Variants in MACROD2 observed in about 807,000 individuals in gnomAD.
MACROD2 encodes mono-ADP ribosylhydrolase 2, also known as ADP-ribose glycohydrolase MACROD2.
Under a neutral mutation model 70.4 loss-of-function variants are expected in MACROD2, and 36 were observed. The observed-to-expected ratio is 0.51, with a 90% CI of 0.39 to 0.68. MACROD2 has a LOEUF of 0.68. MACROD2 is among the 30% of genes least tolerant of loss of function. The pLI is 0.00. For missense variants in MACROD2, 496 were observed against 538.4 expected (o/e 0.92, Z 0.78); for synonymous variants, 172 against 178.8 (o/e 0.96, Z 0.30).
intron 5 of MACROD2, among the ~76,000 whole-genome samples, chr20:15,093,414 T>C (rs1452850841): frequency 1.9e-4 from 29 of 152,302 alleles, no homozygotes; most frequent in Non-Finnish European, 1.3e-4. Context: ...TTTTATTTTT[T>C]CTTCTTTCTC....
chr20:15,032,348 C>T (rs550509340), intron 5 of MACROD2, among the ~76,000 whole-genome samples: 2 of 152,346 alleles, frequency 1.3e-5, no homozygotes, highest in East Asian at 1.9e-4. Flanking sequence ...CGCACGCTGC[C>T]CTGGCGCGCC....
chr20:14,795,496 G>A (rs1006509207), intron 5 of MACROD2, among the ~76,000 whole-genome samples: 2 of 152,044 alleles, frequency 1.3e-5, no homozygotes, highest in Non-Finnish European at 2.9e-5. Flanking sequence ...AGATGTTGAT[G>A]TCATTATGAA....
chr20:15,594,364 T>C (rs1413420841), intron 8 of MACROD2, among the ~76,000 whole-genome samples: 5 of 152,140 alleles, frequency 3.3e-5, no homozygotes, highest in Admixed American at 6.5e-5. Context: ...CATTACTCCA[T>C]GACAGCCACT....
At chr20:15,251,531 G>T (rs1317583800) in intron 6 of MACROD2, among the ~76,000 whole-genome samples, 1 of 152,114 alleles carries the variant, frequency 6.6e-6, no homozygotes, top group East Asian at 1.9e-4. Context: ...GAAGGACTTG[G>T]GTGTAAGTTG....
intron 2 of MACROD2, among the ~76,000 whole-genome samples, chr20:14,018,685 C>T (rs943666932): frequency 4.6e-5 from 7 of 152,118 alleles, no homozygotes; most frequent in Non-Finnish European, 7.4e-5. Flanking sequence ...TCGTTGGTCT[C>T]ATTCAGTTTA....
At chr20:14,895,071 G>A (rs2073811614) in intron 5 of MACROD2, 1 of 152,132 alleles carries the variant, frequency 6.6e-6, no homozygotes, top group Non-Finnish European at 1.5e-5. Flanking sequence ...ATTTAAAGGG[G>A]ATATCAAGTT....
intron 7 of MACROD2, among the ~76,000 whole-genome samples, chr20:15,490,773 A>G (rs767012819): frequency 2.0e-5 from 3 of 152,188 alleles, no homozygotes; most frequent in Non-Finnish European, 4.4e-5. Flanking sequence ...GGGGGTTGAA[A>G]GGAAGCAGTG....
intron 5 of MACROD2, among the ~76,000 whole-genome samples, chr20:15,007,141 G>C (rs1244500088): frequency 6.6e-6 from 1 of 151,918 alleles, no homozygotes; most frequent in Non-Finnish European, 1.5e-5. Context: ...GAGGCAGGCG[G>C]ATCACAAGGT....
chr20:14,223,216 T>C (rs1166974321), intron 3 of MACROD2: 1 of 152,286 alleles, frequency 6.6e-6, no homozygotes, highest in Non-Finnish European at 1.5e-5. Context: ...TAATGAGGGG[T>C]GAAGCAGCCC....
intron 3 of MACROD2, among the ~76,000 whole-genome samples, chr20:14,294,916 A>G (rs1395865442): frequency 6.6e-6 from 1 of 151,562 alleles, no homozygotes; most frequent in Admixed American, 6.6e-5. Flanking sequence ...TGTAAACTCA[A>G]TAGTAGCTGT....
intron 3 of MACROD2, among the ~76,000 whole-genome samples, chr20:14,298,094 T>C (rs1264787085): frequency 1.3e-5 from 2 of 151,940 alleles, no homozygotes; most frequent in Non-Finnish European, 2.9e-5. Flanking sequence ...TATTGAGACC[T>C]ACTCCTGAGA....
intron 4 of MACROD2, among the ~76,000 whole-genome samples, chr20:14,505,022 G>T (rs1217273439): frequency 6.6e-6 from 1 of 152,072 alleles, no homozygotes; most frequent in Admixed American, 6.6e-5. Flanking sequence ...GCTAAGCATT[G>T]TTTAAAAATG....
rs928940549 is a variant in MACROD2 at position 14,263,913 on chromosome 20, A to G, written c.271+178185A>G. Among the ~76,000 whole-genome samples, 34 of 149,708 alleles carry G rather than the reference A, an allele frequency of 2.3e-4. No individual in the cohort carries two copies. In the Admixed American group the frequency reaches 2.3e-3, roughly 10 times the overall value. ...CCTGAGCCCAGGAGGTCACGGCTGC[A>G]GTAAGCCATGATTGTACCACTTCAC... On this transcript the variant is annotated intron_variant, in intron 3 of 17. Coordinates refer to ENST00000684519, the MANE Select transcript of MACROD2 (RefSeq NM_001351661.2).
At chr20:15,608,811 C>A (rs2048928518) in intron 8 of MACROD2, among the ~76,000 whole-genome samples, 1 of 152,102 alleles carries the variant, frequency 6.6e-6, no homozygotes, top group South Asian at 2.1e-4. Context: ...TTTTAAGTTG[C>A]TTTTCTTCAA....
chr20:14,206,364 A>G (rs2081522998), intron 3 of MACROD2, among the ~76,000 whole-genome samples: 1 of 152,076 alleles, frequency 6.6e-6, no homozygotes, highest in South Asian at 2.1e-4. Context: ...CTTTTAACCA[A>G]CCCATCAGGT....
chr20:15,273,862 C>A (rs750754756), intron 6 of MACROD2, among the ~76,000 whole-genome samples: 1 of 152,140 alleles, frequency 6.6e-6, no homozygotes, highest in Non-Finnish European at 1.5e-5. Context: ...TTACCCTGAG[C>A]TTTGGTTTCT....
chr20:15,283,720 A>G (rs1568691577), intron 6 of MACROD2, among the ~76,000 whole-genome samples: 2 of 152,116 alleles, frequency 1.3e-5, no homozygotes, highest in African/African-American at 4.8e-5. Flanking sequence ...AAAAAGAAAA[A>G]GAAAAATACA....
chr20:15,461,527 A>G (rs1259405905), intron 7 of MACROD2, among the ~76,000 whole-genome samples: 3 of 152,234 alleles, frequency 2.0e-5, no homozygotes, highest in African/African-American at 7.2e-5. Context: ...ATGAGTCTTT[A>G]CATACAAGCT....
chr20:15,747,730 T>C (rs1191859077), intron 8 of MACROD2, among the ~76,000 whole-genome samples: 1 of 152,078 alleles, frequency 6.6e-6, no homozygotes, highest in Non-Finnish European at 1.5e-5. Flanking sequence ...GAGATGATCA[T>C]AGCATGTATG....
Sources: allele counts gnomAD v4.1 joint callset (sites outside exome capture counted in the v4.1 genomes callset), GRCh38; gene constraint gnomAD v4.1.1; transcripts MANE v1.5; gene names NCBI Gene and HGNC (gene_info 2026-07-23, HGNC 2026-07-21).